The following EXT1 variants were observed in gnomAD, a reference collection of about 807,000 sequenced individuals.
The protein encoded by EXT1 is exostosin-1.
EXT1 carries 20 observed loss-of-function variants against 82.5 expected under a neutral mutation model. The observed-to-expected ratio is 0.24, with a 90% CI of 0.17 to 0.35. The LOEUF (loss-of-function observed/expected upper bound fraction) is 0.35, where lower values mean the gene tolerates loss of function less well. Ranked by LOEUF, EXT1 falls within the 10% of genes least tolerant of loss-of-function variation. The probability of loss-of-function intolerance (pLI) is 1.00; values close to 1 mark genes in which losing one functional copy is unlikely to be tolerated. For missense variants in EXT1, 757 were observed against 936.5 expected, an observed-to-expected ratio of 0.81 and a Z score of 2.50; for synonymous variants, 348 against 350.8, an observed-to-expected ratio of 0.99 and a Z score of 0.09.
At chr8:118,023,632 G>A (rs1040397956) in intron 1 of EXT1, among the ~76,000 whole-genome samples, 5 of 152,210 alleles carry the variant, frequency 3.3e-5, no homozygotes, top group East Asian at 1.9e-4. Flanking sequence ...AGAGCTGTAC[G>A]TAGAAATTAA....
At chr8:118,000,919 C>T (rs1163058733) in intron 1 of EXT1, among the ~76,000 whole-genome samples, 1 of 152,012 alleles carries the variant, frequency 6.6e-6, no homozygotes, top group Non-Finnish European at 1.5e-5. Context: ...CTGGGGAGCC[C>T]AACATATGCT....
At chr8:117,973,703 G>C (rs1420968755) in intron 1 of EXT1, among the ~76,000 whole-genome samples, 1 of 151,636 alleles carries the variant, frequency 6.6e-6, no homozygotes, top group African/African-American at 2.4e-5. Context: ...AGTAGGTCAA[G>C]ACTGCACTAA....
chr8:118,109,008 CTCTT>C (rs1817843817), intron 1 of EXT1, among the ~76,000 whole-genome samples: 1 of 152,300 alleles, frequency 6.6e-6, no homozygotes, highest in African/African-American at 2.4e-5. Context: ...AACTCACTAA[CTCTT>C]TCACAGCCAG....
chr8:118,066,123 C>G (rs1816981796), intron 1 of EXT1, among the ~76,000 whole-genome samples: 1 of 152,146 alleles, frequency 6.6e-6, no homozygotes, highest in African/African-American at 2.4e-5. Flanking sequence ...TAGGTTTGAA[C>G]TGCTCATTCC....
intron 1 of EXT1, among the ~76,000 whole-genome samples, chr8:117,940,394 T>A (rs1038751699): frequency 1.3e-5 from 2 of 151,908 alleles, no homozygotes; most frequent in African/African-American, 4.8e-5. Flanking sequence ...GAGCTAGCAT[T>A]CCTGGAAGAG....
intron 1 of EXT1, among the ~76,000 whole-genome samples, chr8:117,960,067 C>T (rs960991985): frequency 6.6e-6 from 1 of 152,034 alleles, no homozygotes; most frequent in Non-Finnish European, 1.5e-5. Flanking sequence ...AAAAATTAGC[C>T]GGGTGTGGTG....
chr8:117,980,755 ACTTC>A (rs1217517274), intron 1 of EXT1, among the ~76,000 whole-genome samples: 1 of 139,812 alleles, frequency 7.2e-6, no homozygotes, highest in Non-Finnish European at 1.5e-5. Flanking sequence ...TTCAGTGGAA[ACTTC>A]GCTCTGGTTT....
intron 5 of EXT1, among the ~76,000 whole-genome samples, chr8:117,821,495 T>C (rs1811923610): frequency 6.6e-6 from 1 of 152,238 alleles, no homozygotes; most frequent in Non-Finnish European, 1.5e-5. Flanking sequence ...TGACAATTTC[T>C]AAATTCTGTT....
At chr8:117,816,967 C>T (rs1811832221) in intron 7 of EXT1, among the ~76,000 whole-genome samples, 1 of 151,804 alleles carries the variant, frequency 6.6e-6, no homozygotes, top group Admixed American at 6.6e-5. Context: ...TGGAACACTG[C>T]CATTCCTATG....
intron 7 of EXT1, among the ~76,000 whole-genome samples, chr8:117,814,228 C>T (rs1170959158): frequency 8.9e-6 from 1 of 112,862 alleles, no homozygotes; most frequent in African/African-American, 3.1e-5. Context: ...CGTGTGCACA[C>T]ACAGTGGTGT....
At chr8:118,008,768 C>CT (rs1313006480) in intron 1 of EXT1, among the ~76,000 whole-genome samples, 3 of 152,058 alleles carry the variant, frequency 2.0e-5, no homozygotes, top group African/African-American at 4.8e-5. Context: ...AAAAATACAC[C>CT]TTTGGTTACA....
rs139812140 is a variant in EXT1, at chr8:117,809,201, A to ATG, written c.1723-1826_1723-1825dup. Among the ~76,000 whole-genome samples the ATG allele has an allele frequency of 1.5e-4, 18 of 123,544 alleles. No homozygotes were observed. The South Asian group carries it at 1.5e-3, about 11-fold the overall frequency. 81.0% of individuals were successfully genotyped at this position (123,544 alleles called of 152,430 possible). On this transcript the variant is annotated intron_variant, in intron 8 of 10. Transcript: ENST00000378204. ...TATGTGCATGTGTGTAGGTATATAT[A>ATG]TGTGTGTGTGTGTATAAATATATAT...
At position 117,973,255 on chromosome 8, in the gene EXT1, G is replaced by A. The variant is rs79654673; in HGVS notation, c.963-136054C>T. Among the ~76,000 whole-genome samples the A allele has an allele frequency of 7.9e-5, 12 of 152,248 alleles. No homozygotes were observed. In the East Asian group the frequency reaches 2.3e-3, roughly 29 times the overall value. On this transcript the variant is annotated intron_variant, in intron 1 of 10. Coordinates refer to ENST00000378204, the MANE Select transcript of EXT1 (RefSeq NM_000127.3). Reference sequence around the variant, plus strand: ...TACAAGACAAAATGACAGGAGAGTGGGAATTGCAGTAAGTCCCTCCTTTTC... The same window carrying A: ...TACAAGACAAAATGACAGGAGAGTGAGAATTGCAGTAAGTCCCTCCTTTTC...
intron 1 of EXT1, among the ~76,000 whole-genome samples, chr8:117,944,928 G>A (rs529807178): frequency 6.6e-6 from 1 of 151,982 alleles, no homozygotes; most frequent in South Asian, 2.1e-4. Flanking sequence ...TTTGGGAGGC[G>A]GAGGCGGGCG....
intron 1 of EXT1, among the ~76,000 whole-genome samples, chr8:117,854,063 G>A (rs1195704323): frequency 6.6e-6 from 1 of 152,252 alleles, no homozygotes; most frequent in African/African-American, 2.4e-5. Flanking sequence ...TGAGGCCTGG[G>A]CCGAGGTCCT....
At chr8:117,928,849 T>C (rs750221137) in intron 1 of EXT1, among the ~76,000 whole-genome samples, 4 of 152,002 alleles carry the variant, frequency 2.6e-5, no homozygotes, top group Non-Finnish European at 4.4e-5. Context: ...ATCATTTCCT[T>C]ACGGAGCAAG....
chr8:117,999,641 A>G (rs958900310), intron 1 of EXT1, among the ~76,000 whole-genome samples: 2 of 152,188 alleles, frequency 1.3e-5, no homozygotes, highest in Non-Finnish European at 2.9e-5. Context: ...TGCTATTTCA[A>G]TGCAAGGAGC....
chr8:118,077,568 A>G (rs1053714996), intron 1 of EXT1, among the ~76,000 whole-genome samples: 9 of 152,172 alleles, frequency 5.9e-5, no homozygotes, highest in South Asian at 2.1e-4. Flanking sequence ...GCTCAATAAC[A>G]TTTGTGGAAT....
intron 6 of EXT1, among the ~76,000 whole-genome samples, 185 bp downstream of exon 6, chr8:117,819,491 T>C (rs1055468998): frequency 2.0e-5 from 3 of 152,206 alleles, no homozygotes; most frequent in Non-Finnish European, 4.4e-5. Flanking sequence ...AGATTTCACT[T>C]CCAAGAATTT....
Sources: allele counts gnomAD v4.1 joint callset (sites outside exome capture counted in the v4.1 genomes callset), GRCh38; gene constraint gnomAD v4.1.1; transcripts MANE v1.5; gene names NCBI Gene and HGNC (gene_info 2026-07-23, HGNC 2026-07-21).